Variants in FNBP1 observed in about 807,000 individuals in gnomAD.
FNBP1 encodes formin-binding protein 1.
Under a neutral mutation model 90.6 loss-of-function variants are expected in FNBP1, and 26 were observed. That is an observed-to-expected ratio of 0.29 (90% CI 0.21 to 0.40). The LOEUF is 0.40. FNBP1 is among the 10% of genes least tolerant of loss of function. The pLI is 1.00. For synonymous variants in FNBP1, 260 were observed against 265.2 expected (o/e 0.98, Z 0.19); for missense variants, 635 against 768.0 (o/e 0.83, Z 2.05).
intron 4 of FNBP1, among the ~76,000 whole-genome samples, chr9:129,968,776 C>G (rs770565363): frequency 6.6e-6 from 1 of 152,152 alleles, no homozygotes; most frequent in Admixed American, 6.6e-5. Context: ...TAGTGAGTCA[C>G]TGAAAGTATT....
intron 1 of FNBP1, among the ~76,000 whole-genome samples, chr9:130,004,544 G>A (rs938086577): frequency 5.3e-5 from 8 of 152,050 alleles, no homozygotes; most frequent in Non-Finnish European, 1.0e-4. Flanking sequence ...ACCTTCCTGA[G>A]GACTTGGGCA....
Position 129,890,480 on chromosome 9 carries a change from G to A in FNBP1, c.*59C>T. On this transcript the variant is annotated 3_prime_UTR_variant, in exon 17 of 17. Coordinates refer to ENST00000446176, the MANE Select transcript of FNBP1 (RefSeq NM_015033.3). This position sits in a 1 kb window ranked among gnomAD's most constrained non-coding sequence, Gnocchi z 5.8. ...AGGGCAGGGCGCTGGAGGCCTGTGG[G>A]AACAAGCAGACGGAGGCTCCTCCAG... is the stretch of plus-strand genomic sequence containing the variant. 6.7e-7 allele frequency: 1 copy of A among 1,491,796 alleles called. No homozygotes were observed. The highest frequency in any genetic ancestry group is 9.2e-7 in the Non-Finnish European group (1 of 1,087,534). 92.4% of individuals were successfully genotyped at this position (1,491,796 alleles called of 1,614,324 possible). A position where few individuals can be genotyped will look rare whatever the true frequency, so the allele number is the denominator to read the frequency against.
chr9:129,966,212 G>T lies in FNBP1; in HGVS notation c.346-7659C>A, dbSNP rs112578989. On this transcript the variant is annotated intron_variant, in intron 4 of 16. Coordinates refer to ENST00000446176, the MANE Select transcript of FNBP1 (RefSeq NM_015033.3). This position sits in a 1 kb window ranked among gnomAD's most constrained non-coding sequence, Gnocchi z 4.3. ...TGGGATGACATTTGAGTAGAGACTT[G>T]CATAAAACGTGGGAGTGAACTTACA... Among the ~76,000 whole-genome samples, 916 of 152,328 alleles carry T rather than the reference G, an allele frequency of 6.0e-3. 6 individuals carry two copies. The highest frequency in any genetic ancestry group is 0.017 in the Middle Eastern group (5 of 294).
chr9:129,943,017 A>T (rs1382860241), intron 6 of FNBP1, among the ~76,000 whole-genome samples: 1 of 152,116 alleles, frequency 6.6e-6, no homozygotes, highest in East Asian at 1.9e-4. Context: ...TATCTTTCAC[A>T]AACTGTTCTC....
intron 6 of FNBP1, among the ~76,000 whole-genome samples, chr9:129,935,034 T>G (rs2043223969): frequency 6.6e-6 from 1 of 152,068 alleles, no homozygotes; most frequent in Non-Finnish European, 1.5e-5. Flanking sequence ...CTAATGGGTT[T>G]AAAGACAAAA....
the FNBP1 span, among the ~76,000 whole-genome samples, chr9:130,049,284 G>A: frequency 0.047 from 7,218 of 152,254 alleles, 336 homozygotes; most frequent in Admixed American, 0.14. Flanking sequence ...AGCTACCCGG[G>A]AGGCTGAGGT....
At chr9:130,019,357 T>C (rs1018044359) in intron 1 of FNBP1, among the ~76,000 whole-genome samples, 2 of 151,544 alleles carry the variant, frequency 1.3e-5, no homozygotes, top group Admixed American at 6.6e-5. Context: ...AAAATGATCA[T>C]AAGCCAGCCA....
chr9:130,008,390 T>TA (rs1458367698), intron 1 of FNBP1, among the ~76,000 whole-genome samples: 6 of 152,056 alleles, frequency 3.9e-5, no homozygotes, highest in African/African-American at 1.5e-4. Flanking sequence ...TTAAATAGTT[T>TA]AAAAATTACT....
At position 129,969,911 on chromosome 9, in the gene FNBP1, T is replaced by C. The variant is rs994586575; in HGVS notation, c.345+8554A>G. On this transcript the variant is annotated intron_variant, in intron 4 of 16. Coordinates refer to ENST00000446176, the MANE Select transcript of FNBP1 (RefSeq NM_015033.3). Reference sequence around the variant, plus strand: ...TAACTTTTTTTTTTTTTTTTTGAGGTGGAGTCTCACTCTGTGGCCCAGGCT... The same window carrying C: ...TAACTTTTTTTTTTTTTTTTTGAGGCGGAGTCTCACTCTGTGGCCCAGGCT... Among the ~76,000 whole-genome samples the C allele has an allele frequency of 6.2e-5, 8 of 128,630 alleles. No homozygotes were observed. The East Asian group carries it at 1.6e-3, about 25-fold the overall frequency. The allele number at this position is 128,630 out of a possible 152,430, so 84.4% of individuals were successfully genotyped here.
chr9:129,899,868 T>C, intron 15 of FNBP1, 97 bp downstream of exon 15: 3 of 1,123,206 alleles, frequency 2.7e-6, no homozygotes, highest in South Asian at 4.3e-5. Flanking sequence ...GGAATAAAAA[T>C]GATCAGAAGG....
upstream of FNBP1, among the ~76,000 whole-genome samples, chr9:130,048,000 C>CTCAA (rs1328696703): frequency 1.3e-5 from 2 of 152,140 alleles, no homozygotes; most frequent in East Asian, 3.9e-4. Flanking sequence ...CTTACATTAT[C>CTCAA]TGAGCTTCAG....
intron 11 of FNBP1, among the ~76,000 whole-genome samples, chr9:129,912,162 A>C (rs558902097): frequency 3.9e-5 from 6 of 152,218 alleles, no homozygotes; most frequent in Admixed American, 1.3e-4. Flanking sequence ...CTCCAGGTAG[A>C]TAGCATCAGA....
chr9:129,948,313 ATTTG>A (rs1353050716), intron 6 of FNBP1, among the ~76,000 whole-genome samples: 2 of 131,912 alleles, frequency 1.5e-5, no homozygotes, highest in African/African-American at 3.0e-5. Context: ...AATTTAATTT[ATTTG>A]TCTGTGCTAT....
the FNBP1 span, among the ~76,000 whole-genome samples, chr9:130,049,126 T>C: frequency 0.91 from 137,705 of 152,042 alleles, 63,472 homozygotes; most frequent in East Asian, 1. Flanking sequence ...CAGTGGCTCA[T>C]GCCTGTAATC....
At chr9:130,007,239 C>CAAAAAAAAAA (rs72063140) in intron 1 of FNBP1, among the ~76,000 whole-genome samples, 1 of 77,016 alleles carries the variant, frequency 1.3e-5, no homozygotes, top group Non-Finnish European at 2.3e-5. Flanking sequence ...GAGATCCTGT[C>CAAAAAAAAAA]AAAAAAAAAA....
chr9:129,903,033 G>A lies in FNBP1; in HGVS notation c.1296-32C>T, dbSNP rs575734501. The A allele has an allele frequency of 8.4e-6, 13 of 1,545,622 alleles. No homozygotes were observed. The East Asian group carries it at 1.9e-4, about 23-fold the overall frequency. On this transcript the variant is annotated intron_variant, in intron 12 of 16. Transcript: ENST00000446176. ...GAAAGAACGAGTAGAATGCTGTAAA[G>A]GTTACTCCATTTTTTTTTTAGACAG...
chr9:129,965,148 G>A (rs1233362996), intron 4 of FNBP1, among the ~76,000 whole-genome samples: 1 of 152,136 alleles, frequency 6.6e-6, no homozygotes, highest in Non-Finnish European at 1.5e-5. Flanking sequence ...ATATTTCTAT[G>A]GACCATGTGG....
intron 1 of FNBP1, among the ~76,000 whole-genome samples, chr9:130,026,805 A>C (rs1373935763): frequency 6.6e-6 from 1 of 151,988 alleles, no homozygotes; most frequent in Non-Finnish European, 1.5e-5. Context: ...AACAAAAAAC[A>C]AAACACAAAA....
At chr9:129,983,204 T>C (rs1025933802) in intron 2 of FNBP1, among the ~76,000 whole-genome samples, 2 of 152,198 alleles carry the variant, frequency 1.3e-5, no homozygotes, top group South Asian at 2.1e-4. Flanking sequence ...TTCTTTATAG[T>C]TCTCTTTTAC....
Sources: allele counts gnomAD v4.1 joint callset (sites outside exome capture counted in the v4.1 genomes callset), GRCh38; gene constraint gnomAD v4.1.1; non-coding constraint Gnocchi (gnomAD v3.1); transcripts MANE v1.5; gene names NCBI Gene and HGNC (gene_info 2026-07-23, HGNC 2026-07-21).